SMIM31: variants seen among roughly 807,000 people sequenced by gnomAD.
SMIM31 encodes the protein small integral membrane protein 31, also known as human epithelial cell program regulator.
rs1732786458 is a variant in SMIM31, at chr4:164,770,527, C to G, written c.84C>G (p.Ile28Met). ...VIFSLFTLAS[I>M]YTTPDDSNEE... ...TTTCCTTATTTACCCTGGCTTCCAT[C>G]TACACTACTCCGGATGACAGTAATG... Residue 28 changes from isoleucine (I) to methionine (M), a missense_variant, in exon 2 of 3, where the codon ATC becomes ATG. Physicochemically the swap from Ile to Met is conservative, Grantham distance 10. Coordinates refer to ENST00000507311, the MANE Select transcript of SMIM31 (RefSeq NM_001352885.1). 5.0e-6 allele frequency: 2 copies of G among 398,964 alleles called. No individual in the cohort carries two copies. The highest frequency in any genetic ancestry group is 8.8e-6 in the Non-Finnish European group (2 of 226,042). The allele number at this position is 398,964 out of a possible 1,614,324, so 24.7% of individuals were successfully genotyped here.
chr4:164,776,890 C>G (rs1732885733), intron 2 of SMIM31, among the ~76,000 whole-genome samples: 1 of 152,112 alleles, frequency 6.6e-6, no homozygotes, highest in Non-Finnish European at 1.5e-5. Context: ...GTTGCTTTAT[C>G]TATATTAATA....
chr4:164,774,688 T>A (rs530152715), intron 2 of SMIM31, among the ~76,000 whole-genome samples: 2 of 152,346 alleles, frequency 1.3e-5, no homozygotes, highest in Non-Finnish European at 2.9e-5. Context: ...TGTCTAAAAT[T>A]AACTTTGAGT....
intron 2 of SMIM31, among the ~76,000 whole-genome samples, chr4:164,779,252 G>A (rs1052524839): frequency 1.3e-5 from 2 of 152,108 alleles, no homozygotes; most frequent in South Asian, 4.1e-4. Context: ...AGCTATTTCC[G>A]TAGCGTGTGG....
At chr4:164,755,202 AG>A (rs1222951200) in intron 1 of SMIM31, among the ~76,000 whole-genome samples, 1 of 151,366 alleles carries the variant, frequency 6.6e-6, no homozygotes, top group Non-Finnish European at 1.5e-5. Context: ...AGCCACAGCC[AG>A]GCACGGTGGC....
At chr4:164,796,846 T>C (rs2110964756) in intron 2 of SMIM31, among the ~76,000 whole-genome samples, 1 of 152,340 alleles carries the variant, frequency 6.6e-6, no homozygotes, top group Admixed American at 6.5e-5. Context: ...TAATTGATCA[T>C]ATCATTCATT....
chr4:164,784,899 G>GTTTTTTTTT (rs112698821), intron 2 of SMIM31, among the ~76,000 whole-genome samples: 1 of 146,240 alleles, frequency 6.8e-6, no homozygotes, highest in Admixed American at 6.8e-5. Context: ...ATTTGTTTGG[G>GTTTTTTTTT]TTTTTTTTTT....
chr4:164,789,109 A>G (rs988601161), intron 2 of SMIM31, among the ~76,000 whole-genome samples: 4 of 152,184 alleles, frequency 2.6e-5, no homozygotes, highest in Non-Finnish European at 1.5e-5. Context: ...ATTGTTGGAT[A>G]TTTTTCCTTA....
chr4:164,800,253 A>T lies in SMIM31; in HGVS notation c.113-838A>T, dbSNP rs140381879. 2.8e-3 allele frequency among the ~76,000 whole-genome samples: 421 copies of T among 151,506 alleles called. 3 individuals are homozygous for T. The highest frequency in any genetic ancestry group is 9.6e-3 in the African/African-American group (395 of 41,272). ...TTTTTGACAAAGTCTCTCTTTGTCG[A>T]GGCTGGAGTACAGTGGTGCTATCTC... is the stretch of plus-strand genomic sequence containing the variant. On this transcript the variant is annotated intron_variant, in intron 2 of 2. Coordinates refer to ENST00000507311, the MANE Select transcript of SMIM31 (RefSeq NM_001352885.1).
chr4:164,778,014 A>G (rs1732899124), intron 2 of SMIM31, among the ~76,000 whole-genome samples: 1 of 152,378 alleles, frequency 6.6e-6, no homozygotes, highest in Admixed American at 6.5e-5. Flanking sequence ...TTCTATATTA[A>G]TCAGACAGCA....
chr4:164,773,029 TA>T (rs56863708), intron 2 of SMIM31, among the ~76,000 whole-genome samples: 9,947 of 76,334 alleles, frequency 0.13, 712 homozygotes, highest in Non-Finnish European at 0.15. Context: ...CACTTGGCTT[TA>T]AAAAAAAAAA....
intron 2 of SMIM31, among the ~76,000 whole-genome samples, chr4:164,776,410 A>G (rs985745034): frequency 6.6e-6 from 1 of 152,190 alleles, no homozygotes; most frequent in African/African-American, 2.4e-5. Flanking sequence ...GGCACTGTAG[A>G]GGCATGGGCA....
At chr4:164,783,015 C>T (rs36063157) in intron 2 of SMIM31, among the ~76,000 whole-genome samples, 6,391 of 150,950 alleles carry the variant, frequency 0.042, 341 homozygotes, top group African/African-American at 0.12. Flanking sequence ...GTCAGGAGTT[C>T]GAGACCAGCC....
At chr4:164,772,110 G>A (rs1434428811) in intron 2 of SMIM31, among the ~76,000 whole-genome samples, 1 of 152,180 alleles carries the variant, frequency 6.6e-6, no homozygotes, top group African/African-American at 2.4e-5. Context: ...TTATAGTTCT[G>A]CAGGCTGTAT....
At chr4:164,777,235 A>G (rs1199278537) in intron 2 of SMIM31, among the ~76,000 whole-genome samples, 1 of 152,242 alleles carries the variant, frequency 6.6e-6, no homozygotes, top group East Asian at 1.9e-4. Context: ...ACAAAACATG[A>G]CCAGGATAGG....
At chr4:164,754,983 TACTC>T (rs1365420311) in intron 1 of SMIM31, among the ~76,000 whole-genome samples, 12 of 151,312 alleles carry the variant, frequency 7.9e-5, no homozygotes, top group African/African-American at 2.2e-4. Flanking sequence ...CCTTTAGAAA[TACTC>T]AGGAGGAAAT....
At chr4:164,763,949 A>G (rs772270099) in intron 1 of SMIM31, among the ~76,000 whole-genome samples, 3 of 152,220 alleles carry the variant, frequency 2.0e-5, no homozygotes, top group Non-Finnish European at 4.4e-5. Flanking sequence ...TGAGATAAGA[A>G]AAATAACGGT....
intron 2 of SMIM31, among the ~76,000 whole-genome samples, chr4:164,788,435 C>T (rs1360197881): frequency 7.0e-6 from 1 of 143,472 alleles, no homozygotes; most frequent in Non-Finnish European, 1.5e-5. Context: ...ACTAACTACT[C>T]GTGGCCAATC....
chr4:164,755,996 C>T (rs937911355), intron 1 of SMIM31, among the ~76,000 whole-genome samples: 2 of 152,182 alleles, frequency 1.3e-5, no homozygotes, highest in African/African-American at 4.8e-5. Flanking sequence ...GATTCACCTT[C>T]TTTATTTTTA....
intron 1 of SMIM31, among the ~76,000 whole-genome samples, chr4:164,769,495 C>CA (rs1349299118): frequency 1.4e-5 from 2 of 143,878 alleles, no homozygotes; most frequent in South Asian, 2.2e-4. Context: ...ATCGCAAGGA[C>CA]AAAAAAACCA....
Sources: gnomAD v4.1 joint callset for allele counts (sites outside exome capture counted in the v4.1 genomes callset) on GRCh38, gnomAD v4.1.1 for gene constraint, MANE v1.5 for transcripts, NCBI Gene and HGNC (gene_info 2026-07-23, HGNC 2026-07-21) for gene names.